ARFGEF2: variants seen among roughly 807,000 people sequenced by gnomAD.
ARFGEF2 encodes ARF guanine nucleotide exchange factor 2, also known as brefeldin A-inhibited guanine nucleotide-exchange protein 2.
A neutral mutation model predicts 219.9 loss-of-function variants in ARFGEF2; 74 were observed. The observed-to-expected ratio is 0.34, with a 90% CI of 0.28 to 0.41. ARFGEF2 has a LOEUF of 0.41. Ranked by LOEUF, ARFGEF2 falls within the 10% of genes least tolerant of loss-of-function variation. The probability of loss-of-function intolerance (pLI) is 1.00; values close to 1 mark genes in which losing one functional copy is unlikely to be tolerated. For missense variants in ARFGEF2, 1,743 were observed against 2,218.3 expected (o/e 0.79, Z 4.30); for synonymous variants, 733 against 799.2 (o/e 0.92, Z 1.40).
chr20:48,982,519 A>C (rs2091302796), intron 14 of ARFGEF2, among the ~76,000 whole-genome samples: 8 of 152,272 alleles, frequency 5.3e-5, no homozygotes, highest in Admixed American at 4.6e-4. Flanking sequence ...TGGGAGAACC[A>C]CTGCTGAGAG....
At chr20:48,986,578 C>T (rs2091327589) in intron 16 of ARFGEF2, among the ~76,000 whole-genome samples, 1 of 151,970 alleles carries the variant, frequency 6.6e-6, no homozygotes, top group South Asian at 2.1e-4. Context: ...CACACCACTG[C>T]ACACCAGCCT....
intron 37 of ARFGEF2, among the ~76,000 whole-genome samples, chr20:49,030,863 G>C (rs918417017): frequency 6.6e-6 from 1 of 152,048 alleles, no homozygotes; most frequent in Non-Finnish European, 1.5e-5. Flanking sequence ...ATGGTGGCAG[G>C]CGCCTGTAAT....
intron 25 of ARFGEF2, among the ~76,000 whole-genome samples, chr20:49,001,140 A>C (rs1264644475): frequency 2.1e-5 from 3 of 143,976 alleles, no homozygotes; most frequent in Non-Finnish European, 3.0e-5. Flanking sequence ...CTCTCATTGC[A>C]ACCTCTGCCT....
At chr20:48,958,178 A>T (rs2091116626) in intron 6 of ARFGEF2, among the ~76,000 whole-genome samples, 1 of 152,200 alleles carries the variant, frequency 6.6e-6, no homozygotes. Flanking sequence ...GCACCTACAT[A>T]TAAACACACA....
chr20:48,980,498 C>T (rs576304215), intron 14 of ARFGEF2, among the ~76,000 whole-genome samples: 22 of 152,286 alleles, frequency 1.4e-4, no homozygotes, highest in African/African-American at 5.1e-4. Context: ...TCTATTAGGT[C>T]CACTTGGTGC....
intron 3 of ARFGEF2, among the ~76,000 whole-genome samples, chr20:48,943,918 C>T (rs917750704): frequency 9.2e-5 from 14 of 152,166 alleles, no homozygotes; most frequent in Admixed American, 2.6e-4. Flanking sequence ...ACAGCTTTCT[C>T]GAGAAAGAGT....
At chr20:49,018,220 T>A (rs1315346165) in intron 33 of ARFGEF2, among the ~76,000 whole-genome samples, 1 of 152,102 alleles carries the variant, frequency 6.6e-6, no homozygotes, top group East Asian at 1.9e-4. Flanking sequence ...GCTGTTAAAT[T>A]TTTTTATTTT....
At chr20:48,926,462 T>C (rs2090877450) in intron 1 of ARFGEF2, among the ~76,000 whole-genome samples, 2 of 151,796 alleles carry the variant, frequency 1.3e-5, no homozygotes, top group Admixed American at 6.6e-5. Context: ...AGTTTTTCTT[T>C]TTTTTTTTTG....
At chr20:49,025,592 A>G (rs1287299836) in intron 36 of ARFGEF2, 111 bp downstream of exon 36, 24 of 1,217,964 alleles carry the variant, frequency 2.0e-5, no homozygotes, top group Admixed American at 3.8e-5. Flanking sequence ...AACTTAACAG[A>G]TATTTTCATG....
intron 14 of ARFGEF2, among the ~76,000 whole-genome samples, chr20:48,981,597 C>G (rs1322220688): frequency 1.3e-5 from 2 of 152,200 alleles, no homozygotes; most frequent in East Asian, 3.8e-4. Flanking sequence ...GTTCCATTCT[C>G]CCTGTCACTT....
chr20:48,985,552 G>T lies in ARFGEF2; in HGVS notation c.2215G>T (p.Ala739Ser). 6.2e-7 allele frequency: 1 copy of T among 1,614,192 alleles called. No homozygotes were observed. The highest frequency in any genetic ancestry group is 8.5e-7 in the Non-Finnish European group (1 of 1,180,040). The change falls in exon 16 of 39, where the codon GCC becomes TCC. Residue 739 changes from alanine to serine, a missense_variant. Physicochemically the swap from Ala to Ser is moderately conservative, Grantham distance 99. This residue lies in a region of ARFGEF2 where 666 missense variants were observed against 955.4 expected (regional missense o/e 0.70). Coordinates refer to ENST00000371917, the MANE Select transcript of ARFGEF2 (RefSeq NM_006420.3). Reference protein sequence around the residue: ...FLEGFRLPGEAQKIDRLMEKF... With the variant: ...FLEGFRLPGESQKIDRLMEKF... Reference sequence around the variant, plus strand: ...AGAAGGTTTCCGCCTACCTGGAGAAGCCCAAAAGATTGACCGATTAATGGA... The same window carrying T: ...AGAAGGTTTCCGCCTACCTGGAGAATCCCAAAAGATTGACCGATTAATGGA...
At chr20:48,973,423 A>G in intron 12 of ARFGEF2, 139 bp downstream of exon 12, 1 of 915,688 alleles carries the variant, frequency 1.1e-6, no homozygotes. Context: ...ACTTCCTGCC[A>G]TCATGAAACG....
At chr20:48,967,546 C>T (rs529040908) in intron 8 of ARFGEF2, among the ~76,000 whole-genome samples, 1 of 152,286 alleles carries the variant, frequency 6.6e-6, no homozygotes, top group Non-Finnish European at 1.5e-5. Context: ...TGGAGGATCG[C>T]TTGAGCCCAG....
At chr20:49,010,089 A>T in intron 26 of ARFGEF2, 143 bp from the exon 27 acceptor site, 1 of 972,686 alleles carries the variant, frequency 1.0e-6, no homozygotes, top group Non-Finnish European at 1.5e-6. Context: ...AATGGAAGTG[A>T]GAGGAAACGG....
At chr20:49,024,964 C>T (rs770197537) in intron 35 of ARFGEF2, among the ~76,000 whole-genome samples, 1 of 152,138 alleles carries the variant, frequency 6.6e-6, no homozygotes, top group Admixed American at 6.5e-5. Flanking sequence ...CCACTGCACT[C>T]CAGCCTGGGC....
intron 10 of ARFGEF2, 89 bp from the exon 11 acceptor site, chr20:48,972,237 C>A: frequency 1.1e-6 from 1 of 916,668 alleles, no homozygotes; most frequent in Non-Finnish European, 1.8e-6. Flanking sequence ...ACTTACTGCA[C>A]GACTGGGTTG....
At chr20:49,025,881 C>T (rs2091598661) in intron 36 of ARFGEF2, among the ~76,000 whole-genome samples, 1 of 151,812 alleles carries the variant, frequency 6.6e-6, no homozygotes, top group African/African-American at 2.4e-5. Flanking sequence ...ACTTGGGAGG[C>T]CGAGGCAGGA....
At chr20:48,953,481 A>G in intron 5 of ARFGEF2, 75 bp from the exon 6 acceptor site, 1 of 1,440,524 alleles carries the variant, frequency 6.9e-7, no homozygotes, top group Non-Finnish European at 9.8e-7. Context: ...CAGCCCAGGA[A>G]ATTTTTTAAG....
In ARFGEF2 at chr20:49,016,363, T is replaced by C. The variant is rs1306869041; in HGVS notation, c.4263T>C (p.Asn1421=). ...TTACCCAGTTTTATGAAGCTTTGAA[T>C]GAAGTTCTTCTTTCTGATGTATTTG... is the stretch of plus-strand genomic sequence containing the variant. The part of the protein sequence containing the change: ...DVFTQFYEAL[N]EVLLSDVFAQ... Residue 1421 remains asparagine, a synonymous_variant, in exon 31 of 39, where the codon AAT becomes AAC. Coordinates refer to ENST00000371917, the MANE Select transcript of ARFGEF2 (RefSeq NM_006420.3). The C allele has an allele frequency of 1.9e-6, 3 of 1,613,858 alleles. No homozygotes were observed. The African/African-American group carries it at 4.0e-5, about 22-fold the overall frequency.
Sources: allele counts gnomAD v4.1 joint callset (sites outside exome capture counted in the v4.1 genomes callset), GRCh38; gene constraint gnomAD v4.1.1; regional missense constraint gnomAD v4.1.1; transcripts MANE v1.5; gene names NCBI Gene and HGNC (gene_info 2026-07-23, HGNC 2026-07-21).